The following PSMA1 variants were observed in gnomAD, a reference collection of about 807,000 sequenced individuals.
PSMA1 encodes proteasome subunit alpha type-1.
In PSMA1, 3 loss-of-function variants were observed where a neutral mutation model predicts 38.4. That is an observed-to-expected ratio of 0.08 (90% CI 0.04 to 0.20). PSMA1 has a LOEUF of 0.20. PSMA1 is among the 10% of genes least tolerant of loss of function. PSMA1 has a pLI of 1.00. For synonymous variants in PSMA1, 101 were observed against 107.1 expected (o/e 0.94, Z 0.35); for missense variants, 227 against 325.3 (o/e 0.70, Z 2.32).
chr11:14,636,810 A>G (rs888281092), intron 1 of PSMA1, among the ~76,000 whole-genome samples: 4 of 152,198 alleles, frequency 2.6e-5, no homozygotes, highest in African/African-American at 4.8e-5. Flanking sequence ...TTCCAATTCT[A>G]TGGAACTGAT....
intron 2 of PSMA1, among the ~76,000 whole-genome samples, chr11:14,544,502 G>T (rs1248055696): frequency 6.6e-6 from 1 of 152,036 alleles, no homozygotes; most frequent in Admixed American, 6.6e-5. Flanking sequence ...ATTAAAGAAT[G>T]GGCTAAGGTT....
intron 2 of PSMA1, among the ~76,000 whole-genome samples, chr11:14,608,567 TAAA>T (rs1359164838): frequency 1.3e-5 from 2 of 148,304 alleles, no homozygotes; most frequent in Non-Finnish European, 3.0e-5. Flanking sequence ...ATAATAATAA[TAAA>T]ATTTAAAAAA....
chr11:14,529,376 C>T lies in PSMA1; in HGVS notation c.22-10335G>A, dbSNP rs187790580. On this transcript the variant is annotated intron_variant, in intron 2 of 10. Coordinates refer to the PSMA1 transcript ENST00000418988. ...CTGGTGGAGTTAATCCTCCCATGCT[C>T]ATTGAATAAAATAAGATACAAATCT... Among the ~76,000 whole-genome samples the T allele has an allele frequency of 1.0e-3, 159 of 152,226 alleles. 1 individual carries two copies. Among genetic ancestry groups the T allele is most frequent in the East Asian group, 4.5e-3 (23 of 5,168 alleles).
At chr11:14,533,155 C>A (rs547465841) in intron 2 of PSMA1, among the ~76,000 whole-genome samples, 6 of 152,234 alleles carry the variant, frequency 3.9e-5, no homozygotes, top group Non-Finnish European at 7.4e-5. Flanking sequence ...TGAATCTAAG[C>A]CTGAGCTCCC....
intron 2 of PSMA1, among the ~76,000 whole-genome samples, chr11:14,554,483 T>A (rs1851921214): frequency 6.6e-6 from 1 of 152,184 alleles, no homozygotes; most frequent in African/African-American, 2.4e-5. Flanking sequence ...TTGAGTTAGT[T>A]TTTCTATAGG....
intron 7 of PSMA1, among the ~76,000 whole-genome samples, chr11:14,511,348 C>G (rs2134144010): frequency 6.6e-6 from 1 of 152,096 alleles, no homozygotes; most frequent in Non-Finnish European, 1.5e-5. Flanking sequence ...ATAAAAACAT[C>G]ACAAGAAAAT....
chr11:14,556,340 T>C (rs2134170987), intron 2 of PSMA1, among the ~76,000 whole-genome samples: 1 of 152,352 alleles, frequency 6.6e-6, no homozygotes, highest in South Asian at 2.1e-4. Flanking sequence ...GCATTACTTC[T>C]TTGTCTTCTA....
chr11:14,570,048 T>C (rs1456836105), intron 2 of PSMA1, among the ~76,000 whole-genome samples: 6 of 152,186 alleles, frequency 3.9e-5, no homozygotes, highest in Admixed American at 3.9e-4. Context: ...TTTGCTGTTC[T>C]GCAATATTTG....
At chr11:14,519,740 T>C (rs1329159034) in intron 1 of PSMA1, 1 of 158,606 alleles carries the variant, frequency 6.3e-6, no homozygotes, top group Non-Finnish European at 1.4e-5. Flanking sequence ...CAGAACCCTA[T>C]ATTGTAACCC....
chr11:14,505,134 G>A lies in PSMA1; in HGVS notation c.*58C>T, dbSNP rs1448017153. The A allele has an allele frequency of 1.1e-5, 16 of 1,417,680 alleles. No individual in the cohort carries two copies. The highest frequency in any genetic ancestry group is 1.5e-5 in the Non-Finnish European group (15 of 1,002,108). 87.8% of individuals were successfully genotyped at this position (1,417,680 alleles called of 1,614,324 possible). On this transcript the variant is annotated 3_prime_UTR_variant, in exon 10 of 10. Transcript: ENST00000396394. The stretch of plus-strand genomic sequence containing the variant: ...TTCAAAGTATAGATTATTGTCATCA[G>A]TATGTGGTGCCTGTATTCTTACATA...
chr11:14,597,460 G>C (rs1454815520), intron 2 of PSMA1, among the ~76,000 whole-genome samples: 2 of 152,046 alleles, frequency 1.3e-5, no homozygotes, highest in African/African-American at 2.4e-5. Flanking sequence ...ACTTCTTCCT[G>C]GTTTAGTCTT....
intron 2 of PSMA1, among the ~76,000 whole-genome samples, chr11:14,598,065 C>G (rs1852524548): frequency 6.6e-6 from 1 of 151,990 alleles, no homozygotes; most frequent in Non-Finnish European, 1.5e-5. Flanking sequence ...GGTTTTTAGT[C>G]ATTTTCTTAG....
intron 1 of PSMA1, among the ~76,000 whole-genome samples, chr11:14,623,757 G>A (rs1382882912): frequency 6.6e-6 from 1 of 152,208 alleles, no homozygotes; most frequent in African/African-American, 2.4e-5. Context: ...GACAGGCTAT[G>A]CATGGGCCCA....
chr11:14,510,845 T>G, intron 8 of PSMA1, 27 bp downstream of exon 8: 1 of 1,514,772 alleles, frequency 6.6e-7, no homozygotes, highest in Non-Finnish European at 9.0e-7. Flanking sequence ...AACGTTAATA[T>G]CTACAATTGG....
chr11:14,629,033 A>C (rs1345881179), intron 1 of PSMA1, among the ~76,000 whole-genome samples: 1 of 150,802 alleles, frequency 6.6e-6, no homozygotes, highest in Non-Finnish European at 1.5e-5. Context: ...TTTCTTGTAA[A>C]TTTGTTTGAG....
rs1026629744 is a variant in PSMA1 at position 14,527,653 on chromosome 11, C to T, written c.22-8612G>A. ...GCCTCGAGTCAGGAAACTAAAATAC[C>T]TCTTGGTCTGCGTAGACACTTTCAC... On this transcript the variant is annotated intron_variant, in intron 2 of 10. Transcript: ENST00000418988. Among the ~76,000 whole-genome samples the T allele has an allele frequency of 3.3e-5, 5 of 152,146 alleles. No homozygotes were observed. In the East Asian group the frequency reaches 5.8e-4, roughly 18 times the overall value.
chr11:14,512,577 C>T (rs1851362919), intron 7 of PSMA1, among the ~76,000 whole-genome samples: 1 of 152,164 alleles, frequency 6.6e-6, no homozygotes, highest in South Asian at 2.1e-4. Flanking sequence ...ACTTTGGACA[C>T]TGAGTTTCTA....
chr11:14,628,498 A>C (rs1404757875), intron 1 of PSMA1, among the ~76,000 whole-genome samples: 2 of 150,774 alleles, frequency 1.3e-5, no homozygotes, highest in East Asian at 1.9e-4. Context: ...ACATGAACTC[A>C]TCCTTTTTTA....
Position 14,520,292 on chromosome 11 carries a change from C to T in PSMA1, c.3+5G>A. Reference sequence around the variant, plus strand: ...AAACCTTCCAGAGATCGGGATTCAACGTACCATGGTGGCGGCGCGGGCCTG... The same window carrying T: ...AAACCTTCCAGAGATCGGGATTCAATGTACCATGGTGGCGGCGCGGGCCTG... On this transcript the variant is annotated splice_donor_5th_base_variant and intron_variant, in intron 1 of 9. Transcript: ENST00000396394. 6.2e-7 allele frequency: 1 copy of T among 1,614,134 alleles called. No individual in the cohort carries two copies. Among genetic ancestry groups the T allele is most frequent in the Non-Finnish European group, 8.5e-7 (1 of 1,179,960 alleles).
Sources: gnomAD v4.1 joint callset for allele counts (sites outside exome capture counted in the v4.1 genomes callset) on GRCh38, gnomAD v4.1.1 for gene constraint, MANE v1.5 for transcripts, NCBI Gene and HGNC (gene_info 2026-07-23, HGNC 2026-07-21) for gene names.